The following FAM222B variants were observed in gnomAD, a reference collection of about 807,000 sequenced individuals.
The protein encoded by FAM222B is family with sequence similarity 222 member B.
In FAM222B, 12 loss-of-function variants were observed where a neutral mutation model predicts 38.0. That is an observed-to-expected ratio of 0.32 (90% CI 0.20 to 0.51). The LOEUF is 0.51. Ranked by LOEUF, FAM222B falls within the 20% of genes least tolerant of loss-of-function variation. FAM222B has a pLI of 0.97. For synonymous variants in FAM222B, 329 were observed against 317.2 expected (o/e 1.04, Z -0.40); for missense variants, 716 against 754.2 (o/e 0.95, Z 0.59).
chr17:28,834,782 G>A (rs1002715545), intron 1 of FAM222B: 5 of 148,166 alleles, frequency 3.4e-5, no homozygotes, highest in African/African-American at 1.3e-4. Context: ...AAATTTCTTT[G>A]TTGCTTCTTC....
chr17:28,784,433 AC>A (rs2036300564), intron 1 of FAM222B, among the ~76,000 whole-genome samples: 1 of 132,218 alleles, frequency 7.6e-6, no homozygotes, highest in East Asian at 2.4e-4. Context: ...CCATAGTGAC[AC>A]CTGTGAATAT....
rs2034799660 is a variant in FAM222B at position 28,758,129 on chromosome 17, G to A, written c.*141C>T. 1.3e-6 allele frequency: 1 copy of A among 793,018 alleles called. No individual in the cohort carries two copies. The allele number at this position is 793,018 out of a possible 1,614,324, so 49.1% of individuals were successfully genotyped here. The stretch of plus-strand genomic sequence containing the variant: ...AGAGGACCCCTTCTGTCCCCACTTA[G>A]ATCCCACCAAATTCCCTTTCTTAGA... On this transcript the variant is annotated 3_prime_UTR_variant, in exon 3 of 3. Transcript: ENST00000581407.
chr17:28,847,913 C>CAA (rs35199325), intron 1 of FAM222B, among the ~76,000 whole-genome samples: 151 of 99,462 alleles, frequency 1.5e-3, no homozygotes, highest in African/African-American at 4.9e-3. Flanking sequence ...GACTCCGCCT[C>CAA]AAAAAAAAAA....
At position 28,759,883 on chromosome 17, in the gene FAM222B, A is replaced by T. The variant is rs1435719229; in HGVS notation, c.83-7T>A. The T allele has an allele frequency of 6.6e-7, 1 of 1,512,718 alleles. No homozygotes were observed. The highest frequency in any genetic ancestry group is 2.1e-5 in the Admixed American group (1 of 47,824). 93.7% of individuals were successfully genotyped at this position (1,512,718 alleles called of 1,614,324 possible). On this transcript the variant is annotated splice_polypyrimidine_tract_variant and splice_region_variant and intron_variant, in intron 2 of 2. Coordinates refer to ENST00000581407, the MANE Select transcript of FAM222B (RefSeq NM_001077498.3). The surrounding 1 kb of genome is among the most constrained non-coding windows in gnomAD (Gnocchi z 4.8). Reference sequence around the variant, plus strand: ...ATTTTCTGTGTAGTGTCCCCTAGAGAGAGAGAATGGGAAGGAGAGCAAAGA... The same window carrying T: ...ATTTTCTGTGTAGTGTCCCCTAGAGTGAGAGAATGGGAAGGAGAGCAAAGA...
rs1305485082 is a variant in FAM222B, at chr17:28,757,880, G to A, written c.*390C>T. 2 of 168,334 alleles carry A rather than the reference G, an allele frequency of 1.2e-5. No homozygotes were observed. Among genetic ancestry groups the A allele is most frequent in the Non-Finnish European group, 2.6e-5 (2 of 78,134 alleles). 10.4% of individuals were successfully genotyped at this position (168,334 alleles called of 1,614,324 possible). ...GGGGGGTAGCAACAGGTAGAGGTCTGGATTAGGGGCCTGAGCACCTATACT... is the reference window on the plus strand; with the variant it reads ...GGGGGGTAGCAACAGGTAGAGGTCTAGATTAGGGGCCTGAGCACCTATACT... On this transcript the variant is annotated 3_prime_UTR_variant, in exon 3 of 3. Transcript: ENST00000581407.
chr17:28,833,590 G>GCAAC (rs1485848505), intron 1 of FAM222B, among the ~76,000 whole-genome samples: 1 of 139,840 alleles, frequency 7.2e-6, no homozygotes, highest in Admixed American at 7.5e-5. Flanking sequence ...TCCAGCCTGG[G>GCAAC]CAACAGAGTG....
intron 1 of FAM222B, among the ~76,000 whole-genome samples, chr17:28,773,680 C>G (rs2035748253): frequency 6.6e-6 from 1 of 151,932 alleles, no homozygotes; most frequent in South Asian, 2.1e-4. Context: ...TGCTTGTAAT[C>G]CCAGCTACTC....
intron 1 of FAM222B, among the ~76,000 whole-genome samples, chr17:28,817,450 A>C (rs1260446002): frequency 6.6e-6 from 1 of 151,084 alleles, no homozygotes; most frequent in East Asian, 2.0e-4. Context: ...AAGGCCAGGC[A>C]CAGAGGCTCA....
intron 1 of FAM222B, among the ~76,000 whole-genome samples, chr17:28,829,315 A>G (rs763093640): frequency 1.2e-4 from 18 of 151,512 alleles, no homozygotes; most frequent in Non-Finnish European, 2.5e-4. Context: ...CCCGGGTTCA[A>G]GCTGCGCCAC....
rs563929364 is a variant in FAM222B, at chr17:28,765,479, A to G, written c.82+1107T>C. Among the ~76,000 whole-genome samples, 3 of 152,328 alleles carry G rather than the reference A, an allele frequency of 2.0e-5. 1 individual carries two copies. In the South Asian group the frequency reaches 6.2e-4, roughly 32 times the overall value. ...TACAGAAAGTTTGTTAACCCCTGTC[A>G]TAAGGGGTTCAGTTAAGGTGCTGAA... On this transcript the variant is annotated intron_variant, in intron 2 of 2. Transcript: ENST00000581407.
chr17:28,817,870 C>T (rs2038079744), intron 1 of FAM222B, among the ~76,000 whole-genome samples: 1 of 152,158 alleles, frequency 6.6e-6, no homozygotes, highest in African/African-American at 2.4e-5. Flanking sequence ...TATAATAATT[C>T]ACACTAGACA....
rs1024541385 is a variant in FAM222B at position 28,756,688 on chromosome 17, G to C, written c.*1582C>G. 1 of 152,282 alleles carries C rather than the reference G, an allele frequency of 6.6e-6. No individual in the cohort carries two copies. Among genetic ancestry groups the C allele is most frequent in the Admixed American group, 6.6e-5 (1 of 15,254 alleles). 9.4% of individuals were successfully genotyped at this position (152,282 alleles called of 1,614,324 possible). A position where few individuals can be genotyped will look rare whatever the true frequency, so the allele number is the denominator to read the frequency against. On this transcript the variant is annotated 3_prime_UTR_variant, in exon 3 of 3. Transcript: ENST00000581407. ...AAAACAATTGGGAACAATAAATTAG[G>C]ACTTCATGTTGCTATCATTTGGCAT...
rs893377880 is a variant in FAM222B, at chr17:28,757,256, C to T, written c.*1014G>A. ...GGGGCTGCACTAGAGGGTGAATGTA[C>T]CTGTGGGGCCACTCACACACAATGC... is the stretch of plus-strand genomic sequence containing the variant. On this transcript the variant is annotated 3_prime_UTR_variant, in exon 3 of 3. Coordinates refer to ENST00000581407, the MANE Select transcript of FAM222B (RefSeq NM_001077498.3). The T allele has an allele frequency of 1.3e-5, 2 of 152,448 alleles. No homozygotes were observed. The highest frequency in any genetic ancestry group is 2.9e-5 in the Non-Finnish European group (2 of 68,014). The allele number at this position is 152,448 out of a possible 1,614,324, so 9.4% of individuals were successfully genotyped here. A position where few individuals can be genotyped will look rare whatever the true frequency, so the allele number is the denominator to read the frequency against.
At chr17:28,781,316 A>T (rs1186009825) in intron 1 of FAM222B, among the ~76,000 whole-genome samples, 13 of 152,088 alleles carry the variant, frequency 8.5e-5, no homozygotes, top group Non-Finnish European at 1.5e-4. Context: ...AAAAAACCAA[A>T]AACAAACAAA....
intron 1 of FAM222B, among the ~76,000 whole-genome samples, chr17:28,790,110 A>G (rs180944965): frequency 6.6e-6 from 1 of 152,342 alleles, no homozygotes; most frequent in Admixed American, 6.5e-5. Context: ...TTACTGGCCA[A>G]ATCGGGAATA....
rs189572043 is a variant in FAM222B at position 28,814,813 on chromosome 17, A to T, written c.-41+27869T>A. 1.6e-3 allele frequency among the ~76,000 whole-genome samples: 224 copies of T among 136,924 alleles called. No homozygotes were observed. In the Middle Eastern group the frequency reaches 0.017, roughly 11 times the overall value. The allele number at this position is 136,924 out of a possible 152,430, so 89.8% of individuals were successfully genotyped here. ...TTTGAGATAAGAGTCTCGATCTGTC[A>T]TCCAGGCTGGAGTGCAACAGCACAA... On this transcript the variant is annotated intron_variant, in intron 1 of 2. Coordinates refer to ENST00000581407, the MANE Select transcript of FAM222B (RefSeq NM_001077498.3).
chr17:28,782,307 G>A (rs972394556), intron 1 of FAM222B, among the ~76,000 whole-genome samples: 2 of 152,280 alleles, frequency 1.3e-5, no homozygotes, highest in South Asian at 4.1e-4. Context: ...GGGTGACACA[G>A]TGAGACCCTG....
intron 1 of FAM222B, among the ~76,000 whole-genome samples, chr17:28,779,610 G>T (rs565642617): frequency 6.6e-6 from 1 of 152,100 alleles, no homozygotes; most frequent in South Asian, 2.1e-4. Context: ...AATTAGCCGG[G>T]TGTGGTGGCG....
chr17:28,852,194 C>T (rs890510043), intron 1 of FAM222B, among the ~76,000 whole-genome samples: 9 of 151,632 alleles, frequency 5.9e-5, no homozygotes, highest in Non-Finnish European at 1.3e-4. Context: ...AGTAAAACAC[C>T]GTCTCTACTA....
Sources: gnomAD v4.1 joint callset for allele counts (sites outside exome capture counted in the v4.1 genomes callset) on GRCh38, gnomAD v4.1.1 for gene constraint, Gnocchi (gnomAD v3.1) non-coding constraint, MANE v1.5 for transcripts, NCBI Gene and HGNC (gene_info 2026-07-23, HGNC 2026-07-21) for gene names.